The following SEPTIN10 variants were observed in gnomAD, a reference collection of about 807,000 sequenced individuals.
The protein encoded by SEPTIN10 is septin-10.
A neutral mutation model predicts 54.8 loss-of-function variants in SEPTIN10; 66 were observed. That is an observed-to-expected ratio of 1.21 (90% CI 0.99 to 1.48). The LOEUF is 1.48. Among genes scored for constraint, SEPTIN10 ranks in the 40% most tolerant of loss-of-function variants. SEPTIN10 has a pLI of 0.00. For synonymous variants in SEPTIN10, 161 were observed against 181.0 expected (o/e 0.89, Z 0.89); for missense variants, 620 against 545.6 (o/e 1.14, Z -1.36).
rs1312542503 is a variant in SEPTIN10 at position 109,543,718 on chromosome 2, A to G, written c.*591T>C. The G allele has an allele frequency of 6.4e-6, 1 of 156,882 alleles. No individual in the cohort carries two copies. The highest frequency in any genetic ancestry group is 1.4e-5 in the Non-Finnish European group (1 of 71,370). The allele number at this position is 156,882 out of a possible 1,614,324, so 9.7% of individuals were successfully genotyped here. ...TGCACTGCAGTGACAATAGCTTGGT[A>G]GCAAGAGAAAAGATTTAGATTCATC... is the stretch of plus-strand genomic sequence containing the variant. On this transcript the variant is annotated 3_prime_UTR_variant, in exon 11 of 11. Transcript: ENST00000397712.
rs187997163 is a variant in SEPTIN10, at chr2:109,565,714, G to C, written c.859+49C>G. 7.6e-4 allele frequency: 1,107 copies of C among 1,456,094 alleles called. 10 individuals are homozygous for C. The highest frequency in any genetic ancestry group is 7.0e-5 in the Non-Finnish European group (73 of 1,037,338). The allele number at this position is 1,456,094 out of a possible 1,614,324, so 90.2% of individuals were successfully genotyped here. ...CAAAGAAGGCATGACAGGTAGCTTT[G>C]AGATTACTAGATAGATACATATTTC... On this transcript the variant is annotated intron_variant, in intron 7 of 10. Transcript: ENST00000397712.
intron 1 of SEPTIN10, among the ~76,000 whole-genome samples, chr2:109,610,928 G>T (rs1699125375): frequency 6.6e-6 from 1 of 152,138 alleles, no homozygotes; most frequent in Non-Finnish European, 1.5e-5. Flanking sequence ...GGGGAGAGAA[G>T]AATAAAGTGG....
chr2:109,589,206 G>A (rs973734214), intron 2 of SEPTIN10, among the ~76,000 whole-genome samples: 3 of 151,928 alleles, frequency 2.0e-5, no homozygotes, highest in Non-Finnish European at 2.9e-5. Flanking sequence ...GCAGTCGTGC[G>A]ACCTTGGCAC....
intron 4 of SEPTIN10, among the ~76,000 whole-genome samples, chr2:109,580,626 G>T (rs1195533154): frequency 6.6e-6 from 1 of 152,048 alleles, no homozygotes; most frequent in Non-Finnish European, 1.5e-5. Flanking sequence ...CATTAACAAT[G>T]AAAGAAAGAA....
chr2:109,589,084 G>GC (rs1023514010), intron 2 of SEPTIN10, among the ~76,000 whole-genome samples: 1 of 152,082 alleles, frequency 6.6e-6, no homozygotes, highest in Non-Finnish European at 1.5e-5. Context: ...GCGCCACCAC[G>GC]CCTGGGTAAT....
At chr2:109,560,405 T>C (rs2105031053) in intron 8 of SEPTIN10, among the ~76,000 whole-genome samples, 1 of 152,196 alleles carries the variant, frequency 6.6e-6, no homozygotes, top group South Asian at 2.1e-4. Context: ...TTCCTCCTCC[T>C]CCCTTCTCAA....
intron 1 of SEPTIN10, chr2:109,613,465 T>TC (rs890564522): frequency 4.2e-5 from 11 of 260,884 alleles, no homozygotes; most frequent in African/African-American, 1.5e-4. Flanking sequence ...CACTGCGCCT[T>TC]CAACTCCGTT....
Position 109,553,142 on chromosome 2 carries a change from A to T in SEPTIN10, c.1106T>A (p.Met369Lys). 6.2e-7 allele frequency: 1 copy of T among 1,613,958 alleles called. No homozygotes were observed. Among genetic ancestry groups the T allele is most frequent in the Non-Finnish European group, 8.5e-7 (1 of 1,180,014 alleles). ...TTTCTCCTTTACTCGCTGCACAAACATCTGTTTCATTTCTTCTTCCTTCCT... is the reference window on the plus strand; with the variant it reads ...TTTCTCCTTTACTCGCTGCACAAACTTCTGTTTCATTTCTTCTTCCTTCCT... Reference protein sequence around the residue: ...RQRKEEEMKQMFVQRVKEKEA... With the variant: ...RQRKEEEMKQKFVQRVKEKEA... The change falls in exon 9 of 11, where the codon ATG (methionine) becomes AAG (lysine). Residue 369 changes from methionine to lysine, a missense_variant. Transcript: ENST00000397712.
chr2:109,569,033 C>G (rs1337492759), intron 5 of SEPTIN10, among the ~76,000 whole-genome samples: 1 of 152,172 alleles, frequency 6.6e-6, no homozygotes, highest in Non-Finnish European at 1.5e-5. Context: ...AAATTTGTGA[C>G]TGGTGGTTCT....
At chr2:109,558,190 T>C (rs1684822985) in intron 8 of SEPTIN10, among the ~76,000 whole-genome samples, 1 of 152,326 alleles carries the variant, frequency 6.6e-6, no homozygotes, top group East Asian at 1.9e-4. Flanking sequence ...TCTCAGATGC[T>C]CATGTCATCA....
At chr2:109,548,732 C>T (rs1346959313) in intron 9 of SEPTIN10, among the ~76,000 whole-genome samples, 1 of 135,040 alleles carries the variant, frequency 7.4e-6, no homozygotes, top group Non-Finnish European at 1.5e-5. Flanking sequence ...GCCGAGATAG[C>T]GCCATTGCAC....
intron 4 of SEPTIN10, among the ~76,000 whole-genome samples, chr2:109,577,692 C>T (rs886428392): frequency 4.0e-5 from 6 of 151,528 alleles, no homozygotes; most frequent in Non-Finnish European, 8.8e-5. Flanking sequence ...GTGAGAAGAT[C>T]GCTTGAGGCC....
chr2:109,552,931 T>C (rs1455332527), intron 9 of SEPTIN10, 156 bp downstream of exon 9: 2 of 837,010 alleles, frequency 2.4e-6, no homozygotes, highest in Middle Eastern at 3.8e-4. Flanking sequence ...AGGCTATGAT[T>C]CTAAGTCAAT....
chr2:109,607,563 T>C (rs1558910517), intron 1 of SEPTIN10, among the ~76,000 whole-genome samples: 1 of 152,234 alleles, frequency 6.6e-6, no homozygotes, highest in Non-Finnish European at 1.5e-5. Flanking sequence ...TCTTTAGTAC[T>C]GGATTCCTCC....
At chr2:109,608,772 A>T (rs970453516) in intron 1 of SEPTIN10, among the ~76,000 whole-genome samples, 4 of 151,028 alleles carry the variant, frequency 2.6e-5, no homozygotes, top group Non-Finnish European at 5.9e-5. Flanking sequence ...TACAAATCCT[A>T]AAAAAAAATT....
rs191117277 is a variant in SEPTIN10 at position 109,595,966 on chromosome 2, T to C, written c.31-2847A>G. On this transcript the variant is annotated intron_variant, in intron 1 of 10. Transcript: ENST00000397712. The stretch of plus-strand genomic sequence containing the variant: ...CAGCATCTGTGTCTACTATAAGTGA[T>C]GCACAACACATATAATTCACTGAGG... Among the ~76,000 whole-genome samples the C allele has an allele frequency of 1.5e-3, 235 of 152,368 alleles. 1 individual carries two copies. The South Asian group carries it at 0.019, about 12-fold the overall frequency.
At chr2:109,586,789 T>C (rs1692652092) in intron 2 of SEPTIN10, among the ~76,000 whole-genome samples, 2 of 152,168 alleles carry the variant, frequency 1.3e-5, no homozygotes, top group African/African-American at 2.4e-5. Context: ...ATGGGCCACA[T>C]TTTAGGAGTA....
At chr2:109,605,766 T>A (rs6760478) in intron 1 of SEPTIN10, 2 of 152,082 alleles carry the variant, frequency 1.3e-5, no homozygotes, top group Admixed American at 1.3e-4. Flanking sequence ...CTGTAAATTA[T>A]AATTCTTTTC....
intron 1 of SEPTIN10, among the ~76,000 whole-genome samples, chr2:109,596,444 C>A (rs975616445): frequency 6.6e-6 from 1 of 151,936 alleles, no homozygotes; most frequent in Non-Finnish European, 1.5e-5. Context: ...AGTGAAACCC[C>A]GTCTCTACTA....
Sources: gnomAD v4.1 joint callset for allele counts (sites outside exome capture counted in the v4.1 genomes callset) on GRCh38, gnomAD v4.1.1 for gene constraint, MANE v1.5 for transcripts, NCBI Gene and HGNC (gene_info 2026-07-23, HGNC 2026-07-21) for gene names.